GHR: variants seen among roughly 807,000 people sequenced by gnomAD.
The protein encoded by GHR is GH receptor.
A neutral mutation model predicts 67.1 loss-of-function variants in GHR; 35 were observed. That is an observed-to-expected ratio of 0.52 (90% CI 0.40 to 0.69). The LOEUF (loss-of-function observed/expected upper bound fraction) is 0.69, where lower values mean the gene tolerates loss of function less well. Among genes scored for constraint, GHR ranks in the 30% least tolerant of loss-of-function variants. GHR has a pLI of 0.00. For synonymous variants in GHR, 272 were observed against 269.1 expected (o/e 1.01, Z -0.10); for missense variants, 792 against 764.6 (o/e 1.04, Z -0.42).
chr5:42,589,505 T>A (rs1415921629), intron 2 of GHR, among the ~76,000 whole-genome samples: 2 of 152,164 alleles, frequency 1.3e-5, no homozygotes, highest in East Asian at 1.9e-4. Context: ...TATTTTAGAG[T>A]TTTGTGAGAT....
chr5:42,559,908 C>T (rs1261383039), intron 1 of GHR, among the ~76,000 whole-genome samples: 2 of 152,078 alleles, frequency 1.3e-5, no homozygotes, highest in African/African-American at 4.8e-5. Flanking sequence ...TTTAAATGCC[C>T]TTTTGGGTTA....
intron 3 of GHR, among the ~76,000 whole-genome samples, chr5:42,648,024 T>C (rs188243560): frequency 1.8e-4 from 28 of 152,246 alleles, no homozygotes; most frequent in African/African-American, 6.3e-4. Flanking sequence ...TGTATTTTTT[T>C]AAAAAATTTT....
chr5:42,626,707 CTT>C lies in GHR; in HGVS notation c.71-2330_71-2329del, dbSNP rs1236757093. ...TCAACTCATTAGCATACGAAAGACA[CTT>C]ATCACTACAGAGATTCGAAGGATTT... On this transcript the variant is annotated intron_variant, in intron 2 of 9. Coordinates refer to ENST00000230882, the MANE Select transcript of GHR (RefSeq NM_000163.5). 2.6e-5 allele frequency among the ~76,000 whole-genome samples: 4 copies of C among 152,170 alleles called. No homozygotes were observed. In the East Asian group the frequency reaches 7.7e-4, roughly 29 times the overall value.
Position 42,719,708 on chromosome 5 carries a change from T to C in GHR, c.*284T>C. 2.4e-6 allele frequency: 1 copy of C among 425,280 alleles called. No homozygotes were observed. The highest frequency in any genetic ancestry group is 4.4e-6 in the Non-Finnish European group (1 of 227,060). The allele number at this position is 425,280 out of a possible 1,614,324, so 26.3% of individuals were successfully genotyped here. ...TAATATTGTGGGTGTTAATTTTTGA[T>C]ACTAAGCATTGAATGGCTATGTTTT... On this transcript the variant is annotated 3_prime_UTR_variant, in exon 10 of 10. Coordinates refer to ENST00000230882, the MANE Select transcript of GHR (RefSeq NM_000163.5).
chr5:42,691,701 A>G (rs1757430422), intron 4 of GHR, among the ~76,000 whole-genome samples: 1 of 152,252 alleles, frequency 6.6e-6, no homozygotes, highest in Non-Finnish European at 1.5e-5. Context: ...CAGGCTGTCA[A>G]CAGGACAGTT....
chr5:42,424,718 G>A lies in GHR; in HGVS notation c.-12+763G>A. ...GAGGCTGCGGGTCAATGGGGTGGCC[G>A]CGTGTCTAGGGAGAGGGCGCTGGCG... On this transcript the variant is annotated intron_variant, in intron 1 of 9. Coordinates refer to ENST00000230882, the MANE Select transcript of GHR (RefSeq NM_000163.5). The surrounding 1 kb of genome is among the most constrained non-coding windows in gnomAD (Gnocchi z 4.1). The A allele has an allele frequency of 9.7e-7, 1 of 1,031,540 alleles. No individual in the cohort carries two copies. Among genetic ancestry groups the A allele is most frequent in the East Asian group, 2.6e-5 (1 of 38,656 alleles). 63.9% of individuals were successfully genotyped at this position (1,031,540 alleles called of 1,614,324 possible).
At chr5:42,522,984 G>A (rs1747541888) in intron 1 of GHR, among the ~76,000 whole-genome samples, 1 of 152,146 alleles carries the variant, frequency 6.6e-6, no homozygotes. Context: ...TGGGGGTTGA[G>A]GAATGAGAAA....
intron 1 of GHR, among the ~76,000 whole-genome samples, chr5:42,558,430 A>T (rs1749427551): frequency 6.6e-6 from 1 of 152,246 alleles, no homozygotes; most frequent in Non-Finnish European, 1.5e-5. Flanking sequence ...TAAAATGTAT[A>T]TACGAATGCT....
chr5:42,499,746 T>C (rs1419148822), intron 1 of GHR, among the ~76,000 whole-genome samples: 1 of 152,208 alleles, frequency 6.6e-6, no homozygotes, highest in Non-Finnish European at 1.5e-5. Flanking sequence ...AGTTCAATTA[T>C]GGTGCTTAGC....
intron 1 of GHR, among the ~76,000 whole-genome samples, chr5:42,455,958 C>T (rs750251028): frequency 6.6e-6 from 1 of 152,146 alleles, no homozygotes; most frequent in Admixed American, 6.5e-5. Context: ...TAGGTTAGAC[C>T]AGATTAGTGG....
At chr5:42,626,279 CAAGT>C (rs1228478373) in intron 2 of GHR, among the ~76,000 whole-genome samples, 1 of 152,188 alleles carries the variant, frequency 6.6e-6, no homozygotes, top group African/African-American at 2.4e-5. Context: ...ATGCCAACTG[CAAGT>C]AATAGGTTGT....
chr5:42,543,313 A>T (rs558823507), intron 1 of GHR, among the ~76,000 whole-genome samples: 2 of 151,954 alleles, frequency 1.3e-5, no homozygotes, highest in Admixed American at 1.3e-4. Flanking sequence ...TGTTTTTGGG[A>T]TTTTTTTGTT....
At chr5:42,628,154 C>T (rs1753797648) in intron 2 of GHR, among the ~76,000 whole-genome samples, 2 of 152,178 alleles carry the variant, frequency 1.3e-5, no homozygotes, top group South Asian at 2.1e-4. Context: ...AGCTGGCTTG[C>T]TGGTGTGCTG....
intron 6 of GHR, among the ~76,000 whole-genome samples, chr5:42,705,003 G>C (rs1042723692): frequency 5.9e-5 from 9 of 151,452 alleles, no homozygotes; most frequent in South Asian, 2.1e-4. Context: ...TGTGCTAACT[G>C]AAAAGCACAT....
intron 3 of GHR, among the ~76,000 whole-genome samples, chr5:42,656,987 A>G (rs951821921): frequency 5.9e-5 from 9 of 152,098 alleles, no homozygotes; most frequent in Non-Finnish European, 1.5e-5. Context: ...CTAGTCAGGG[A>G]CCTTTCTTAT....
At chr5:42,556,118 A>C (rs1749295152) in intron 1 of GHR, among the ~76,000 whole-genome samples, 1 of 152,130 alleles carries the variant, frequency 6.6e-6, no homozygotes, top group African/African-American at 2.4e-5. Context: ...GACTCGATAA[A>C]AGGAAAGAGG....
In GHR at chr5:42,699,863, T is replaced by G. The variant is rs769498514; in HGVS notation, c.479T>G (p.Leu160Arg). The change falls in exon 6 of 10, where the codon CTG becomes CGG. Residue 160 changes from leucine to arginine, a missense_variant. Coordinates refer to ENST00000230882, the MANE Select transcript of GHR (RefSeq NM_000163.5). ...CCCATTGCCCTCAACTGGACTTTAC[T>G]GAACGTCAGTTTAACTGGGATTCAT... ...DPPIALNWTL[L>R]NVSLTGIHAD... 1 of 1,611,634 alleles carries G rather than the reference T, an allele frequency of 6.2e-7. No individual in the cohort carries two copies. Among genetic ancestry groups the G allele is most frequent in the South Asian group, 1.1e-5 (1 of 91,032 alleles).
intron 2 of GHR, among the ~76,000 whole-genome samples, chr5:42,579,772 A>C (rs1579985742): frequency 6.6e-6 from 1 of 152,216 alleles, no homozygotes; most frequent in East Asian, 1.9e-4. Flanking sequence ...TATTGGTGTG[A>C]GATTAAATTT....
chr5:42,606,295 C>T (rs1333498720), intron 2 of GHR, among the ~76,000 whole-genome samples: 2 of 152,168 alleles, frequency 1.3e-5, no homozygotes, highest in Non-Finnish European at 2.9e-5. Context: ...CCCACTGGCT[C>T]TTAGTCCACT....
Sources: allele counts gnomAD v4.1 joint callset (sites outside exome capture counted in the v4.1 genomes callset), GRCh38; gene constraint gnomAD v4.1.1; non-coding constraint Gnocchi (gnomAD v3.1); transcripts MANE v1.5; gene names NCBI Gene and HGNC (gene_info 2026-07-23, HGNC 2026-07-21).